C12orf42: variants seen among roughly 807,000 people sequenced by gnomAD.
The protein encoded by C12orf42 is uncharacterized protein C12orf42.
In C12orf42, 25 loss-of-function variants were observed where a neutral mutation model predicts 21.6. That is an observed-to-expected ratio of 1.16 (90% CI 0.84 to 1.62). The LOEUF (loss-of-function observed/expected upper bound fraction) is 1.62, where lower values mean the gene tolerates loss of function less well. Ranked by LOEUF, C12orf42 falls within the 40% of genes most tolerant of loss-of-function variation. C12orf42 has a pLI of 0.00. For synonymous variants in C12orf42, 174 were observed against 175.0 expected (o/e 0.99, Z 0.05); for missense variants, 483 against 459.3 (o/e 1.05, Z -0.47).
At chr12:103,368,849 G>A in intron 4 of C12orf42, 38 bp downstream of exon 4, 1 of 1,126,790 alleles carries the variant, frequency 8.9e-7, no homozygotes, top group Non-Finnish European at 1.3e-6. Context: ...AGTTTCTTTG[G>A]AAACTCTGGT....
chr12:103,163,134 A>G, the C12orf42 span, among the ~76,000 whole-genome samples: 3 of 152,186 alleles, frequency 2.0e-5, no homozygotes, highest in East Asian at 5.8e-4. Context: ...CTAGGGGAAG[A>G]ATTTTACTAG....
the C12orf42 span, among the ~76,000 whole-genome samples, chr12:103,106,891 GA>G: frequency 6.6e-6 from 1 of 151,870 alleles, no homozygotes; most frequent in Non-Finnish European, 1.5e-5. Flanking sequence ...CTGTTTCTAA[GA>G]GACATTCCTG....
At chr12:103,360,190 T>TA (rs200117821) in intron 4 of C12orf42, among the ~76,000 whole-genome samples, 15,292 of 142,044 alleles carry the variant, frequency 0.11, 906 homozygotes, top group East Asian at 0.2. Context: ...GGGCAAAACT[T>TA]AAAAAAAAAA....
chr12:103,141,794 T>C, the C12orf42 span, among the ~76,000 whole-genome samples: 4 of 152,160 alleles, frequency 2.6e-5, no homozygotes, highest in South Asian at 8.3e-4. Flanking sequence ...CCTCCCAAAT[T>C]GCTGGGATTA....
chr12:103,293,352 CCTAA>C (rs985754320), intron 4 of C12orf42, among the ~76,000 whole-genome samples: 20 of 152,124 alleles, frequency 1.3e-4, no homozygotes, highest in African/African-American at 1.7e-4. Flanking sequence ...GTTTCCTCTA[CCTAA>C]CTATGTTTAT....
intron 4 of C12orf42, among the ~76,000 whole-genome samples, chr12:103,281,248 CAA>C (rs1489114875): frequency 5.3e-5 from 8 of 152,140 alleles, no homozygotes; most frequent in Non-Finnish European, 1.2e-4. Context: ...ACGAAGATTC[CAA>C]GTGACTTTTC....
At chr12:103,144,019 A>G in the C12orf42 span, among the ~76,000 whole-genome samples, 1 of 152,256 alleles carries the variant, frequency 6.6e-6, no homozygotes, top group Non-Finnish European at 1.5e-5. Context: ...ACCATAGTGC[A>G]TCACAGATAT....
the C12orf42 span, among the ~76,000 whole-genome samples, chr12:103,049,247 T>G: frequency 6.6e-6 from 1 of 152,212 alleles, no homozygotes; most frequent in African/African-American, 2.4e-5. Context: ...TCTCATGATC[T>G]TTGCCATTTC....
intron 4 of C12orf42, among the ~76,000 whole-genome samples, chr12:103,361,305 C>T (rs2044082149): frequency 6.6e-6 from 1 of 152,084 alleles, no homozygotes. Context: ...TTTGACCTTA[C>T]CTGGAGCTGA....
intron 5 of C12orf42, among the ~76,000 whole-genome samples, chr12:103,303,325 G>T (rs2037930288): frequency 6.6e-6 from 1 of 151,176 alleles, no homozygotes; most frequent in Non-Finnish European, 1.5e-5. Context: ...ATAATATATT[G>T]CATATATAAA....
downstream of C12orf42, among the ~76,000 whole-genome samples, chr12:103,265,806 G>GTTTTGTT (rs1302578426): frequency 3.9e-5 from 5 of 127,440 alleles, no homozygotes; most frequent in African/African-American, 2.4e-4. Flanking sequence ...AGGCTGTTTT[G>GTTTTGTT]TTTTGTTTTG....
At chr12:103,277,281 A>G (rs2136289579) in intron 4 of C12orf42, 1 of 368,420 alleles carries the variant, frequency 2.7e-6, no homozygotes, top group Non-Finnish European at 5.2e-6. Context: ...ATTATAATAA[A>G]CTTATTAATT....
At chr12:103,447,045 A>T (rs1951623212) in intron 2 of C12orf42, among the ~76,000 whole-genome samples, 1 of 152,052 alleles carries the variant, frequency 6.6e-6, no homozygotes, top group South Asian at 2.1e-4. Flanking sequence ...TCTATGCAAC[A>T]ACTGCAGAAT....
intron 2 of C12orf42, among the ~76,000 whole-genome samples, chr12:103,432,234 C>T (rs955877580): frequency 6.6e-6 from 1 of 152,276 alleles, no homozygotes; most frequent in African/African-American, 2.4e-5. Flanking sequence ...ATGCTTAACC[C>T]CACTTACCCA....
intron 2 of C12orf42, among the ~76,000 whole-genome samples, chr12:103,477,420 G>C (rs1400970018): frequency 6.6e-6 from 1 of 152,124 alleles, no homozygotes; most frequent in Non-Finnish European, 1.5e-5. Flanking sequence ...GGAATTTAGA[G>C]AGCTTGCCCA....
In C12orf42 at chr12:103,421,949, G is replaced by T. The variant is rs930368083; in HGVS notation, c.79-20274C>A. On this transcript the variant is annotated intron_variant, in intron 2 of 5. Transcript: ENST00000548883. Reference sequence around the variant, plus strand: ...AATAATAATAAGAATAAGATGGTCAGAAATTATATTATTTGTTTCTAAAAT... The same window carrying T: ...AATAATAATAAGAATAAGATGGTCATAAATTATATTATTTGTTTCTAAAAT... 4.6e-5 allele frequency among the ~76,000 whole-genome samples: 7 copies of T among 152,292 alleles called. 1 individual carries two copies. Among genetic ancestry groups the T allele is most frequent in the Admixed American group, 2.6e-4 (4 of 15,300 alleles).
chr12:103,061,274 C>T, the C12orf42 span, among the ~76,000 whole-genome samples: 29 of 152,256 alleles, frequency 1.9e-4, no homozygotes, highest in East Asian at 1.4e-3. Flanking sequence ...TGGTCTTCTT[C>T]GACATTTCCC....
At chr12:103,390,957 T>C (rs1446719144) in intron 3 of C12orf42, among the ~76,000 whole-genome samples, 2 of 152,166 alleles carry the variant, frequency 1.3e-5, no homozygotes, top group Non-Finnish European at 2.9e-5. Flanking sequence ...CACTGACACA[T>C]CCAGAAACAA....
At chr12:103,210,030 G>A in the C12orf42 span, among the ~76,000 whole-genome samples, 2 of 151,790 alleles carry the variant, frequency 1.3e-5, no homozygotes, top group African/African-American at 2.4e-5. Context: ...CCCTTTCCTG[G>A]CATCTTAGCT....
Sources: gnomAD v4.1 joint callset for allele counts (sites outside exome capture counted in the v4.1 genomes callset) on GRCh38, gnomAD v4.1.1 for gene constraint, MANE v1.5 for transcripts, NCBI Gene and HGNC (gene_info 2026-07-23, HGNC 2026-07-21) for gene names.